ZNF423: variants seen among roughly 807,000 people sequenced by gnomAD.
The protein encoded by ZNF423 is Ebf-associated zinc finger protein.
Under a neutral mutation model 95.8 loss-of-function variants are expected in ZNF423, and 12 were observed. That is an observed-to-expected ratio of 0.13 (90% CI 0.08 to 0.20). The LOEUF (loss-of-function observed/expected upper bound fraction) is 0.20. Ranked by LOEUF, ZNF423 falls within the 10% of genes least tolerant of loss-of-function variation. The pLI, the probability that ZNF423 is intolerant of heterozygous loss-of-function variation, is 1.00. For synonymous variants in ZNF423, 749 were observed against 711.9 expected, an observed-to-expected ratio of 1.05 and a Z score of -0.83; for missense variants, 1,316 against 1,737.1, an observed-to-expected ratio of 0.76 and a Z score of 4.31.
intron 5 of ZNF423, among the ~76,000 whole-genome samples, chr16:49,536,719 T>C (rs1279388312): frequency 4.6e-5 from 7 of 152,238 alleles, no homozygotes; most frequent in Admixed American, 4.6e-4. Context: ...GCCCAGCCTG[T>C]GGCTATTTAA....
At chr16:49,856,769 C>T (rs2035375684), upstream of ZNF423, among the ~76,000 whole-genome samples, 1 of 147,942 alleles carries the variant, frequency 6.8e-6, no homozygotes, top group Admixed American at 6.7e-5. Context: ...GCCGCCGCTG[C>T]CTGCCCTCGG....
chr16:49,672,773 G>A (rs1011097400), intron 3 of ZNF423, among the ~76,000 whole-genome samples: 2 of 152,126 alleles, frequency 1.3e-5, no homozygotes, highest in Non-Finnish European at 2.9e-5. Flanking sequence ...AGCCGAGATC[G>A]CGTCATTACA....
chr16:49,610,746 A>G (rs1361144563), intron 5 of ZNF423, among the ~76,000 whole-genome samples: 1 of 152,052 alleles, frequency 6.6e-6, no homozygotes, highest in Admixed American at 6.5e-5. Flanking sequence ...AAGGAAAATG[A>G]CTCACCTATG....
chr16:49,523,183 T>C (rs2151704886), intron 7 of ZNF423, among the ~76,000 whole-genome samples: 1 of 152,280 alleles, frequency 6.6e-6, no homozygotes, highest in Admixed American at 6.5e-5. Context: ...CCACTACTCT[T>C]CTTTTCTGGC....
In ZNF423 at chr16:49,688,577, T is replaced by C. The variant is rs536329055; in HGVS notation, c.301+42194A>G. 4.1e-4 allele frequency among the ~76,000 whole-genome samples: 62 copies of C among 152,346 alleles called. 2 individuals are homozygous for C. The highest frequency in any genetic ancestry group is 1.4e-3 in the African/African-American group (58 of 41,590). ...AAGTTGGGAGACTCTATGTATATTT[T>C]ATCAAGGAAGAAATGCCAGGCCAAG... is the stretch of plus-strand genomic sequence containing the variant. On this transcript the variant is annotated intron_variant, in intron 3 of 7. Transcript: ENST00000563137.
intron 3 of ZNF423, among the ~76,000 whole-genome samples, chr16:49,706,056 A>G (rs2032339940): frequency 6.6e-6 from 1 of 152,134 alleles, no homozygotes; most frequent in South Asian, 2.1e-4. Context: ...TAACGCAGAG[A>G]GAACAGCGTG....
At chr16:49,604,049 CG>C (rs775107274) in intron 5 of ZNF423, among the ~76,000 whole-genome samples, 14 of 152,296 alleles carry the variant, frequency 9.2e-5, no homozygotes, top group Admixed American at 2.6e-4. Flanking sequence ...CGTACGATAC[CG>C]GTGTCTGAGC....
At chr16:49,527,084 G>A (rs1304202778) in intron 5 of ZNF423, among the ~76,000 whole-genome samples, 1 of 152,160 alleles carries the variant, frequency 6.6e-6, no homozygotes, top group African/African-American at 2.4e-5. Context: ...GGGTCCCTAG[G>A]CCCTGGCAGG....
intron 5 of ZNF423, among the ~76,000 whole-genome samples, chr16:49,618,585 T>C (rs141215898): frequency 2.4e-4 from 37 of 152,322 alleles, no homozygotes; most frequent in African/African-American, 8.7e-4. Flanking sequence ...CCTTCCACTA[T>C]GATTGTAAGT....
In ZNF423 at chr16:49,491,131, T is replaced by C. The variant is rs761799862; in HGVS notation, c.*144A>G. ...ATTAATATTCATTTCCAGCTGCTTA[T>C]AATAGCAGCGCCTCATGGCCAAATC... On this transcript the variant is annotated 3_prime_UTR_variant, in exon 8 of 8. Coordinates refer to ENST00000563137, the MANE Select transcript of ZNF423 (RefSeq NM_001379286.1). 26 of 910,698 alleles carry C rather than the reference T, an allele frequency of 2.9e-5. No individual in the cohort carries two copies. Among genetic ancestry groups the C allele is most frequent in the Non-Finnish European group, 4.7e-5 (26 of 555,164 alleles). 56.4% of individuals were successfully genotyped at this position (910,698 alleles called of 1,614,324 possible). A position where few individuals can be genotyped will look rare whatever the true frequency, so the allele number is the denominator to read the frequency against.
intron 7 of ZNF423, among the ~76,000 whole-genome samples, chr16:49,503,005 C>T (rs373252469): frequency 2.6e-5 from 4 of 151,756 alleles, no homozygotes; most frequent in Non-Finnish European, 4.4e-5. Context: ...ATCCCATGCA[C>T]ACTCATGGAC....
intron 5 of ZNF423, among the ~76,000 whole-genome samples, chr16:49,590,389 G>A (rs954141751): frequency 2.6e-5 from 4 of 152,048 alleles, no homozygotes; most frequent in Non-Finnish European, 5.9e-5. Context: ...CACCGGCCAC[G>A]TTTTCAAGAC....
intron 2 of ZNF423, among the ~76,000 whole-genome samples, chr16:49,748,866 G>C (rs2033577419): frequency 6.6e-6 from 1 of 152,154 alleles, no homozygotes; most frequent in African/African-American, 2.4e-5. Context: ...CTTCTTCTGA[G>C]CATCGAGGTG....
At chr16:49,539,640 T>C (rs1428143154) in intron 5 of ZNF423, among the ~76,000 whole-genome samples, 3 of 152,150 alleles carry the variant, frequency 2.0e-5, no homozygotes, top group African/African-American at 7.2e-5. Flanking sequence ...ATGGTTATTA[T>C]TGACCCTGAG....
chr16:49,723,792 C>T (rs2032932863), intron 3 of ZNF423, among the ~76,000 whole-genome samples: 1 of 152,194 alleles, frequency 6.6e-6, no homozygotes, highest in South Asian at 2.1e-4. Context: ...GCCACCTTTT[C>T]ATCCTAATCC....
At chr16:49,504,294 A>G (rs772646567) in intron 7 of ZNF423, among the ~76,000 whole-genome samples, 1 of 152,216 alleles carries the variant, frequency 6.6e-6, no homozygotes, top group African/African-American at 2.4e-5. Flanking sequence ...GGCCAGGCAC[A>G]GTGGCTCACA....
intron 2 of ZNF423, among the ~76,000 whole-genome samples, chr16:49,752,538 G>A (rs1467999077): frequency 2.6e-5 from 4 of 152,202 alleles, no homozygotes; most frequent in Admixed American, 6.5e-5. Flanking sequence ...GGGAGGCCAG[G>A]GAGACTGTCT....
intron 2 of ZNF423, among the ~76,000 whole-genome samples, chr16:49,736,249 G>A (rs960107816): frequency 2.0e-5 from 3 of 152,150 alleles, no homozygotes; most frequent in African/African-American, 7.2e-5. Flanking sequence ...ATCATATAAA[G>A]GTGCCATTTT....
At chr16:49,765,866 C>A (rs945369954) in intron 2 of ZNF423, among the ~76,000 whole-genome samples, 1 of 152,166 alleles carries the variant, frequency 6.6e-6, no homozygotes, top group African/African-American at 2.4e-5. Flanking sequence ...GAGGGCCTGG[C>A]TGCAGTAGTC....
Sources: allele counts gnomAD v4.1 joint callset (sites outside exome capture counted in the v4.1 genomes callset), GRCh38; gene constraint gnomAD v4.1.1; transcripts MANE v1.5; gene names NCBI Gene and HGNC (gene_info 2026-07-23, HGNC 2026-07-21).